NAV2: variants seen among roughly 807,000 people sequenced by gnomAD.
NAV2 encodes the protein neuron navigator 2.
NAV2 carries 54 observed loss-of-function variants against 223.2 expected under a neutral mutation model. The ratio of observed to expected loss-of-function variants is 0.24; its 90% confidence interval spans 0.19 to 0.30. The LOEUF (loss-of-function observed/expected upper bound fraction) is 0.30. Among genes scored for constraint, NAV2 ranks in the 10% least tolerant of loss-of-function variants. The pLI is 1.00. For synonymous variants in NAV2, 1,279 were observed against 1,239.3 expected (o/e 1.03, Z -0.67); for missense variants, 2,806 against 3,147.5 (o/e 0.89, Z 2.60).
chr11:20,065,125 C>G (rs573973132), intron 20 of NAV2, among the ~76,000 whole-genome samples: 1 of 152,214 alleles, frequency 6.6e-6, no homozygotes. Context: ...ACTCTGCTAC[C>G]GCCTAGCACT....
At chr11:19,380,250 C>G in intron 1 of NAV2, among the ~76,000 whole-genome samples, 1 of 152,158 alleles carries the variant, frequency 6.6e-6, no homozygotes, top group Non-Finnish European at 1.5e-5. Context: ...ATGTTGATAC[C>G]CATCAAGCTT....
intron 11 of NAV2, among the ~76,000 whole-genome samples, chr11:20,025,905 G>A (rs1384223072): frequency 6.6e-6 from 1 of 152,306 alleles, no homozygotes; most frequent in East Asian, 1.9e-4. Flanking sequence ...CCTGGATCCT[G>A]TACTGCAACT....
At position 20,002,028 on chromosome 11, in the gene NAV2, A is replaced by T. The variant is rs1657252121; in HGVS notation, c.2768+17781A>T. ...GGAAGTCCAAGGTCAGGATGCCGGC[A>T]TGGTCGAGTTCTGATGAAGGCCCTC... On this transcript the variant is annotated intron_variant, in intron 11 of 37. Transcript: ENST00000349880. 2.0e-5 allele frequency among the ~76,000 whole-genome samples: 3 copies of T among 152,262 alleles called. No individual in the cohort carries two copies. In the South Asian group the frequency reaches 6.2e-4, roughly 32 times the overall value.
chr11:19,800,998 T>C (rs2058218345), intron 1 of NAV2, among the ~76,000 whole-genome samples: 1 of 152,230 alleles, frequency 6.6e-6, no homozygotes. Flanking sequence ...TTGTTAGGAC[T>C]GAACATTTCA....
intron 1 of NAV2, among the ~76,000 whole-genome samples, chr11:19,777,097 C>G (rs1320444543): frequency 6.6e-5 from 10 of 150,796 alleles, no homozygotes; most frequent in Admixed American, 2.0e-4. Context: ...CCGCCGACCC[C>G]CCCCCCCACC....
At chr11:19,377,162 G>T (rs376785586) in intron 1 of NAV2, among the ~76,000 whole-genome samples, 1 of 152,148 alleles carries the variant, frequency 6.6e-6, no homozygotes, top group Non-Finnish European at 1.5e-5. Flanking sequence ...GAAAGGATTA[G>T]ATCTTTAAAA....
At chr11:19,890,674 T>C (rs150618019) in intron 5 of NAV2, among the ~76,000 whole-genome samples, 291 of 152,308 alleles carry the variant, frequency 1.9e-3, no homozygotes, top group African/African-American at 6.3e-3. Flanking sequence ...GCAGAAGCTC[T>C]TCCATTGGAT....
chr11:19,985,472 A>G (rs989013151), intron 11 of NAV2, among the ~76,000 whole-genome samples: 2 of 152,330 alleles, frequency 1.3e-5, no homozygotes, highest in Admixed American at 6.5e-5. Flanking sequence ...AGCTCAAGTC[A>G]GATTTTTTCC....
intron 1 of NAV2, among the ~76,000 whole-genome samples, chr11:19,446,332 G>T (rs1349003322): frequency 1.3e-5 from 2 of 152,068 alleles, no homozygotes; most frequent in South Asian, 4.2e-4. Flanking sequence ...TTAAGGATTG[G>T]GGAGGAGCAA....
intron 1 of NAV2, among the ~76,000 whole-genome samples, chr11:19,399,630 G>A (rs1849602923): frequency 6.6e-6 from 1 of 152,198 alleles, no homozygotes; most frequent in Admixed American, 6.5e-5. Flanking sequence ...GGCAGACCCT[G>A]TGCTAAGTAC....
At chr11:19,872,340 A>C (rs2062566160) in intron 4 of NAV2, among the ~76,000 whole-genome samples, 1 of 152,180 alleles carries the variant, frequency 6.6e-6, no homozygotes. Flanking sequence ...CATGCAGATG[A>C]GCAAACCAAG....
intron 1 of NAV2, among the ~76,000 whole-genome samples, chr11:19,401,456 C>T (rs1322809375): frequency 3.3e-5 from 5 of 152,212 alleles, no homozygotes; most frequent in Admixed American, 3.3e-4. Context: ...AAATGTTTCA[C>T]TGTTGGATTT....
chr11:19,700,886 G>A (rs2049492885), intron 1 of NAV2, among the ~76,000 whole-genome samples: 1 of 152,218 alleles, frequency 6.6e-6, no homozygotes, highest in Admixed American at 6.5e-5. Context: ...TGACTGGCAT[G>A]TTGCCCAGCA....
chr11:19,818,715 G>A (rs963339691), intron 1 of NAV2, among the ~76,000 whole-genome samples: 2 of 152,124 alleles, frequency 1.3e-5, no homozygotes, highest in Non-Finnish European at 2.9e-5. Flanking sequence ...TAGCACTTTA[G>A]CATCCACCGT....
chr11:19,347,589 C>G (rs1313287053), upstream of NAV2, among the ~76,000 whole-genome samples: 1 of 152,112 alleles, frequency 6.6e-6, no homozygotes, highest in Non-Finnish European at 1.5e-5. Flanking sequence ...TGAGGAGAAG[C>G]CAGGGCTTGC....
At chr11:19,906,640 C>T (rs1274979166) in intron 6 of NAV2, among the ~76,000 whole-genome samples, 1 of 152,174 alleles carries the variant, frequency 6.6e-6, no homozygotes, top group Non-Finnish European at 1.5e-5. Context: ...GTTCTAAGAA[C>T]TCACGGGGGA....
intron 1 of NAV2, among the ~76,000 whole-genome samples, chr11:19,743,202 T>G (rs1056207681): frequency 1.3e-5 from 2 of 152,220 alleles, no homozygotes; most frequent in Non-Finnish European, 2.9e-5. Context: ...ACTGTGAGGC[T>G]CCTATGAAGG....
chr11:19,523,389 G>A lies in NAV2; in HGVS notation c.75+172362G>A, dbSNP rs973243701. ...TGCATCCCTCCTGTTCCACTTCCCA[G>A]CTCCCAAACTATTTAAGCTTTCTGG... is the stretch of plus-strand genomic sequence containing the variant. On this transcript the variant is annotated intron_variant, in intron 1 of 37. Transcript: ENST00000360655. 5.9e-5 allele frequency among the ~76,000 whole-genome samples: 9 copies of A among 152,298 alleles called. No homozygotes were observed. In the South Asian group the frequency reaches 1.7e-3, roughly 28 times the overall value.
Position 20,068,380 on chromosome 11 carries a change from C to A in NAV2, c.4965C>A (p.Thr1655=), listed in dbSNP as rs2059181868. 6.2e-7 allele frequency: 1 copy of A among 1,613,884 alleles called. No individual in the cohort carries two copies. The highest frequency in any genetic ancestry group is 2.2e-5 in the East Asian group (1 of 44,888). Residue 1655 remains threonine (T), a synonymous_variant, in exon 22 of 38, where the codon ACC becomes ACA. Transcript: ENST00000349880. ...DASQEKVSAL[T]TQLTANAHLV... The stretch of plus-strand genomic sequence containing the variant: ...CCCAGGAGAAAGTTTCAGCTTTGAC[C>A]ACCCAGCTGACAGCAAATGTAAGTA...
Sources: allele counts gnomAD v4.1 joint callset (sites outside exome capture counted in the v4.1 genomes callset), GRCh38; gene constraint gnomAD v4.1.1; transcripts MANE v1.5; gene names NCBI Gene and HGNC (gene_info 2026-07-23, HGNC 2026-07-21).